Variants in PRKCH observed in about 807,000 individuals in gnomAD.
The protein encoded by PRKCH is protein kinase C eta.
In PRKCH, 28 loss-of-function variants were observed where a neutral mutation model predicts 82.5. The observed-to-expected ratio is 0.34, with a 90% CI of 0.25 to 0.47. The LOEUF (loss-of-function observed/expected upper bound fraction) is 0.47, where lower values mean the gene tolerates loss of function less well. PRKCH is among the 20% of genes least tolerant of loss of function. The pLI, the probability that PRKCH is intolerant of heterozygous loss-of-function variation, is 1.00. For missense variants in PRKCH, 705 were observed against 881.8 expected, an observed-to-expected ratio of 0.80 and a Z score of 2.54; for synonymous variants, 322 against 327.4, an observed-to-expected ratio of 0.98 and a Z score of 0.18.
intron 1 of PRKCH, among the ~76,000 whole-genome samples, chr14:61,210,576 C>T (rs2044566882): frequency 3.3e-5 from 5 of 152,106 alleles, no homozygotes; most frequent in Admixed American, 3.3e-4. Flanking sequence ...ATCATGATAA[C>T]CTTCGTGATT....
chr14:61,402,732 G>A (rs990039197), intron 2 of PRKCH, among the ~76,000 whole-genome samples: 7 of 152,034 alleles, frequency 4.6e-5, no homozygotes, highest in African/African-American at 1.7e-4. Context: ...CAGGGAGTCA[G>A]AGGTTGCAGT....
intron 9 of PRKCH, among the ~76,000 whole-genome samples, chr14:61,485,159 G>A (rs1477005661): frequency 2.0e-5 from 3 of 152,130 alleles, no homozygotes; most frequent in Non-Finnish European, 2.9e-5. Flanking sequence ...CAGATTAAAG[G>A]CATTTACCTT....
intron 1 of PRKCH, among the ~76,000 whole-genome samples, chr14:61,282,851 G>A (rs1259400864): frequency 6.6e-6 from 1 of 152,106 alleles, no homozygotes; most frequent in Non-Finnish European, 1.5e-5. Context: ...TACCCAAAGA[G>A]AGGAAGTTCC....
intron 9 of PRKCH, among the ~76,000 whole-genome samples, chr14:61,484,333 C>T (rs1467306594): frequency 1.4e-5 from 2 of 141,906 alleles, no homozygotes; most frequent in Admixed American, 1.4e-4. Context: ...GTTTCTCACA[C>T]CAAACTCTGT....
intron 1 of PRKCH, among the ~76,000 whole-genome samples, chr14:61,345,283 G>T (rs976528089): frequency 6.6e-6 from 1 of 152,134 alleles, no homozygotes; most frequent in Non-Finnish European, 1.5e-5. Context: ...CCTCTTCATG[G>T]TTATAAACGT....
chr14:61,220,745 G>A (rs1038168232), intron 1 of PRKCH, among the ~76,000 whole-genome samples: 2 of 151,938 alleles, frequency 1.3e-5, no homozygotes, highest in Non-Finnish European at 2.9e-5. Flanking sequence ...CAACACGGGA[G>A]GCAAAAGCAG....
rs144561811 is a variant in PRKCH at position 61,254,080 on chromosome 14, C to T, written c.-19+66412C>T. Among the ~76,000 whole-genome samples, 1,291 of 146,276 alleles carry T rather than the reference C, an allele frequency of 8.8e-3. 6 individuals carry two copies. The highest frequency in any genetic ancestry group is 0.015 in the Middle Eastern group (4 of 270). On this transcript the variant is annotated intron_variant, in intron 1 of 3. Coordinates refer to the PRKCH transcript ENST00000555185. ...GTTTCTACTATGTCGAAACTCTATG[C>T]GAGACATTGAGGAGTATAAAAAGCT...
In PRKCH at chr14:61,397,340, G is replaced by T. The variant is rs148128196; in HGVS notation, c.427+6052G>T. 4.6e-3 allele frequency among the ~76,000 whole-genome samples: 702 copies of T among 152,314 alleles called. 5 individuals are homozygous for T. Among genetic ancestry groups the T allele is most frequent in the Admixed American group, 7.4e-3 (113 of 15,308 alleles). On this transcript the variant is annotated intron_variant, in intron 2 of 13. Coordinates refer to ENST00000332981, the MANE Select transcript of PRKCH (RefSeq NM_006255.5). ...CAGCTTTGGACAAGTGGAGTTTGAG[G>T]TGCTTGTGGGAAATCTAAGTTGCAA...
chr14:61,449,311 G>A lies in PRKCH; in HGVS notation c.702+59G>A, dbSNP rs560544619. ...GTGTGTATTGTGTATGCTGTGTACC[G>A]CCGTCTCTCTCCCTCCCTCCCTCCT... is the stretch of plus-strand genomic sequence containing the variant. On this transcript the variant is annotated intron_variant, in intron 5 of 13. Transcript: ENST00000332981. 2.0e-5 allele frequency: 29 copies of A among 1,424,604 alleles called. No individual in the cohort carries two copies. The East Asian group carries it at 3.5e-4, about 17-fold the overall frequency. The allele number at this position is 1,424,604 out of a possible 1,614,324, so 88.2% of individuals were successfully genotyped here.
chr14:61,391,774 G>A (rs1429775770), intron 2 of PRKCH, among the ~76,000 whole-genome samples: 1 of 152,038 alleles, frequency 6.6e-6, no homozygotes, highest in Non-Finnish European at 1.5e-5. Flanking sequence ...TTTACTTGAG[G>A]TAAAATTTAT....
intron 7 of PRKCH, 106 bp from the exon 8 acceptor site, chr14:61,457,070 G>A (rs772936451): frequency 6.4e-6 from 8 of 1,248,154 alleles, no homozygotes; most frequent in South Asian, 6.0e-5. Context: ...TTTCCCCCAC[G>A]TTATACTGGG....
intron 10 of PRKCH, among the ~76,000 whole-genome samples, chr14:61,511,308 A>C (rs1017996509): frequency 2.0e-5 from 3 of 152,042 alleles, no homozygotes; most frequent in South Asian, 2.1e-4. Context: ...CCCAGGGTGA[A>C]TACCTGCTGC....
At chr14:61,227,913 C>A (rs1348523754) in intron 1 of PRKCH, among the ~76,000 whole-genome samples, 1 of 152,104 alleles carries the variant, frequency 6.6e-6, no homozygotes, top group Non-Finnish European at 1.5e-5. Context: ...GGCTCATAAT[C>A]GTTTTGCTAG....
chr14:61,382,501 A>G (rs960568307), intron 1 of PRKCH, among the ~76,000 whole-genome samples: 5 of 152,202 alleles, frequency 3.3e-5, no homozygotes, highest in Non-Finnish European at 5.9e-5. Flanking sequence ...CTGTTAGGTT[A>G]TTCATACAAA....
chr14:61,312,021 GAGGTCCCTTGACATGTGGGGATTAC>G (rs1344245562), intron 1 of PRKCH, among the ~76,000 whole-genome samples: 1 of 152,134 alleles, frequency 6.6e-6, no homozygotes, highest in Non-Finnish European at 1.5e-5. Context: ...GTGGGGATTA[GAGGTCCCTTGACATGTGGGGATTAC>G]AGGTCCCTCC....
At chr14:61,326,203 A>G (rs2045693900) in intron 1 of PRKCH, among the ~76,000 whole-genome samples, 1 of 152,250 alleles carries the variant, frequency 6.6e-6, no homozygotes, top group Non-Finnish European at 1.5e-5. Flanking sequence ...TCAAATGTCA[A>G]CAGATGAATG....
At chr14:61,422,252 T>C (rs1228501024) in intron 2 of PRKCH, among the ~76,000 whole-genome samples, 1 of 152,044 alleles carries the variant, frequency 6.6e-6, no homozygotes, top group Non-Finnish European at 1.5e-5. Flanking sequence ...CCCAGCTAAA[T>C]ATTTTGTTTT....
intron 2 of PRKCH, among the ~76,000 whole-genome samples, chr14:61,395,813 C>T (rs964617168): frequency 6.6e-6 from 1 of 152,118 alleles, no homozygotes; most frequent in Non-Finnish European, 1.5e-5. Context: ...GGCGTGGTGT[C>T]TCACACCTGT....
At chr14:61,529,035 T>C (rs2043010018) in intron 10 of PRKCH, 40 bp from the exon 11 acceptor site, 1 of 1,550,390 alleles carries the variant, frequency 6.4e-7, no homozygotes, top group Non-Finnish European at 8.7e-7. Context: ...TGGTTTGGGG[T>C]CTGGCTGCCC....
Sources: allele counts gnomAD v4.1 joint callset (sites outside exome capture counted in the v4.1 genomes callset), GRCh38; gene constraint gnomAD v4.1.1; transcripts MANE v1.5; gene names NCBI Gene and HGNC (gene_info 2026-07-23, HGNC 2026-07-21).